PTBP2: variants seen among roughly 807,000 people sequenced by gnomAD.
PTBP2 encodes the protein polypyrimidine tract-binding protein 2.
A neutral mutation model predicts 61.4 loss-of-function variants in PTBP2; 13 were observed. The observed-to-expected ratio is 0.21, with a 90% CI of 0.14 to 0.34. The LOEUF is 0.34. Ranked by LOEUF, PTBP2 falls within the 10% of genes least tolerant of loss-of-function variation. The pLI is 1.00. For synonymous variants in PTBP2, 215 were observed against 218.5 expected (o/e 0.98, Z 0.14); for missense variants, 405 against 642.6 (o/e 0.63, Z 4.00).
chr1:96,799,483 A>G (rs928320839), intron 8 of PTBP2, among the ~76,000 whole-genome samples: 6 of 151,796 alleles, frequency 4.0e-5, no homozygotes, highest in Non-Finnish European at 7.4e-5. Flanking sequence ...TGTTTAGTAG[A>G]GATGGGGTTT....
At chr1:96,759,229 C>T (rs1655510276) in intron 3 of PTBP2, among the ~76,000 whole-genome samples, 1 of 152,076 alleles carries the variant, frequency 6.6e-6, no homozygotes, top group African/African-American at 2.4e-5. Flanking sequence ...GGCATTGAAT[C>T]TATAAAGACT....
chr1:96,800,316 A>G (rs1357581508), intron 8 of PTBP2, among the ~76,000 whole-genome samples: 1 of 151,866 alleles, frequency 6.6e-6, no homozygotes, highest in Admixed American at 6.6e-5. Context: ...TTTCGAGCCC[A>G]AATTTTTCTG....
chr1:96,769,919 T>A, intron 4 of PTBP2, 44 bp downstream of exon 4: 1 of 1,420,484 alleles, frequency 7.0e-7, no homozygotes, highest in Admixed American at 2.3e-5. Flanking sequence ...CCCCAAACTA[T>A]CCAGCAGGTG....
At chr1:96,758,508 G>C (rs1035138762) in intron 3 of PTBP2, among the ~76,000 whole-genome samples, 1 of 151,986 alleles carries the variant, frequency 6.6e-6, no homozygotes, top group African/African-American at 2.4e-5. Context: ...GAAAATGTTG[G>C]TAAATCACCT....
chr1:96,721,800 C>A lies in PTBP2; in HGVS notation c.-65C>A. On this transcript the variant is annotated 5_prime_UTR_variant, in exon 1 of 14. Coordinates refer to ENST00000674951, the MANE Select transcript of PTBP2 (RefSeq NM_021190.4). ...TCGGGCCCCAGCCGCCATTTTCTCG[C>A]CGCTTGTGTGGCTCGCTGGCTGCGT... 1 of 1,549,848 alleles carries A rather than the reference C, an allele frequency of 6.5e-7. No homozygotes were observed. Among genetic ancestry groups the A allele is most frequent in the Non-Finnish European group, 8.7e-7 (1 of 1,145,634 alleles).
chr1:96,778,725 C>T (rs1045604098), intron 7 of PTBP2, among the ~76,000 whole-genome samples: 1 of 151,904 alleles, frequency 6.6e-6, no homozygotes, highest in Non-Finnish European at 1.5e-5. Flanking sequence ...TGGTTTTCTT[C>T]CTTTCATTCA....
intron 8 of PTBP2, among the ~76,000 whole-genome samples, chr1:96,798,379 C>T (rs1660610672): frequency 6.6e-6 from 1 of 152,138 alleles, no homozygotes; most frequent in African/African-American, 2.4e-5. Flanking sequence ...GCACTCCAGC[C>T]TGTGTGACAG....
At chr1:96,777,302 A>G (rs1289072323) in intron 5 of PTBP2, among the ~76,000 whole-genome samples, 2 of 152,170 alleles carry the variant, frequency 1.3e-5, no homozygotes, top group Admixed American at 6.6e-5. Flanking sequence ...ATAAAACTAC[A>G]TCTTGTTCTT....
intron 3 of PTBP2, among the ~76,000 whole-genome samples, chr1:96,763,565 G>A (rs866806831): frequency 1.7e-4 from 24 of 141,976 alleles, no homozygotes; most frequent in South Asian, 5.0e-4. Flanking sequence ...GAGGGAGACT[G>A]TGGAAAGAGA....
chr1:96,762,565 C>G (rs1236785798), intron 3 of PTBP2, among the ~76,000 whole-genome samples: 1 of 146,118 alleles, frequency 6.8e-6, no homozygotes, highest in Non-Finnish European at 1.5e-5. Flanking sequence ...ACCTCCTTCC[C>G]GGACGGGGCG....
intron 2 of PTBP2, among the ~76,000 whole-genome samples, chr1:96,726,717 G>A (rs1650601832): frequency 6.6e-6 from 1 of 152,002 alleles, no homozygotes; most frequent in Non-Finnish European, 1.5e-5. Flanking sequence ...GATTACAAGC[G>A]TGAGCCACCG....
Position 96,806,868 on chromosome 1 carries a change from G to A in PTBP2, c.1081G>A (p.Val361Ile). 4 of 1,607,700 alleles carry A rather than the reference G, an allele frequency of 2.5e-6. No individual in the cohort carries two copies. The highest frequency in any genetic ancestry group is 3.4e-6 in the Non-Finnish European group (4 of 1,177,968). ...ACCTCTCTGTGGCTCCAAAAAAGGT[G>A]TTTATGGAGATGTGCAGCGTGTGAA... ...TPQSLFTLFGVYGDVQRVKIL... is the reference protein window; with the variant it reads ...TPQSLFTLFGIYGDVQRVKIL... Residue 361 changes from valine to isoleucine, a missense_variant and splice_region_variant, in exon 11 of 14, where the codon GTT becomes ATT. By Grantham distance (29) the Val-to-Ile change is conservative. This residue lies in a region of PTBP2 where 342 missense variants were observed against 491.2 expected (regional missense o/e 0.70). Transcript: ENST00000674951.
intron 2 of PTBP2, among the ~76,000 whole-genome samples, chr1:96,725,301 GT>G (rs34309895): frequency 6.3e-4 from 86 of 135,842 alleles, no homozygotes; most frequent in African/African-American, 1.3e-3. Flanking sequence ...GGTTACACCA[GT>G]TTTTTTTTTT....
intron 2 of PTBP2, among the ~76,000 whole-genome samples, chr1:96,732,342 C>T (rs1557686420): frequency 6.6e-6 from 1 of 152,024 alleles, no homozygotes; most frequent in Non-Finnish European, 1.5e-5. Context: ...CTACTTAATG[C>T]TTTCTCTAGG....
intron 3 of PTBP2, among the ~76,000 whole-genome samples, chr1:96,765,292 G>A (rs1426978074): frequency 6.6e-6 from 1 of 152,170 alleles, no homozygotes; most frequent in Non-Finnish European, 1.5e-5. Context: ...GAATGAAGAT[G>A]TACCTAAGTT....
intron 11 of PTBP2, among the ~76,000 whole-genome samples, chr1:96,809,679 T>TTTA (rs975139694): frequency 5.3e-5 from 8 of 152,116 alleles, no homozygotes; most frequent in Admixed American, 1.3e-4. Context: ...GCCCGGCTAA[T>TTTA]TTATTATTAT....
In PTBP2 at chr1:96,814,501, A is replaced by G. The variant is rs989255278; in HGVS notation, c.*1096A>G. The stretch of plus-strand genomic sequence containing the variant: ...GCATTGTAATATTCAGTTTTAATAA[A>G]TCTTCAAAATATTTTGTATTTAGGA... On this transcript the variant is annotated 3_prime_UTR_variant, in exon 14 of 14. Transcript: ENST00000674951. The G allele has an allele frequency of 1.3e-5, 2 of 152,564 alleles. No individual in the cohort carries two copies. Among genetic ancestry groups the G allele is most frequent in the African/African-American group, 4.8e-5 (2 of 41,468 alleles). 9.5% of individuals were successfully genotyped at this position (152,564 alleles called of 1,614,324 possible).
Position 96,721,921 on chromosome 1 carries a change from C to T in PTBP2, c.8+49C>T, listed in dbSNP as rs200036230. 3.0e-4 allele frequency: 470 copies of T among 1,560,800 alleles called. 2 individuals are homozygous for T. In the African/African-American group the frequency reaches 5.0e-3, roughly 17 times the overall value. On this transcript the variant is annotated intron_variant, in intron 1 of 13. Coordinates refer to ENST00000674951, the MANE Select transcript of PTBP2 (RefSeq NM_021190.4). ...GGTGTGTGTGAGAGAGGAGTTGGACCGTCCTTCGGCCCGGTCCCGGGCCGG... is the reference window on the plus strand; with the variant it reads ...GGTGTGTGTGAGAGAGGAGTTGGACTGTCCTTCGGCCCGGTCCCGGGCCGG...
At chr1:96,819,485 GTTTA>G (rs1338275185), downstream of PTBP2, 1 of 151,808 alleles carries the variant, frequency 6.6e-6, no homozygotes, top group Non-Finnish European at 1.5e-5. Context: ...ACTTAACACT[GTTTA>G]TTTCTCTGTT....
Sources: allele counts gnomAD v4.1 joint callset (sites outside exome capture counted in the v4.1 genomes callset), GRCh38; gene constraint gnomAD v4.1.1; regional missense constraint gnomAD v4.1.1; transcripts MANE v1.5; gene names NCBI Gene and HGNC (gene_info 2026-07-23, HGNC 2026-07-21).